The following IRAK3 variants were observed in gnomAD, a reference collection of about 807,000 sequenced individuals.
IRAK3 encodes the protein interleukin-1 receptor-associated kinase 3.
In IRAK3, 57 loss-of-function variants were observed where a neutral mutation model predicts 56.6. The observed-to-expected ratio is 1.01, with a 90% CI of 0.81 to 1.26. IRAK3 has a LOEUF of 1.26. Among genes scored for constraint, IRAK3 ranks in the 50% most tolerant of loss-of-function variants. The pLI is 0.00. For missense variants in IRAK3, 703 were observed against 719.0 expected (o/e 0.98, Z 0.25); for synonymous variants, 258 against 255.7 (o/e 1.01, Z -0.09).
chr12:66,197,139 A>G, intron 1 of IRAK3: 2 of 1,272,256 alleles, frequency 1.6e-6, no homozygotes, highest in Admixed American at 4.1e-5. Context: ...TGTGACTCCA[A>G]TACGACTTTC....
Position 66,236,110 on chromosome 12 carries a change from A to G in IRAK3, c.887+7740A>G, listed in dbSNP as rs182035771. Among the ~76,000 whole-genome samples, 22 of 152,348 alleles carry G rather than the reference A, an allele frequency of 1.4e-4. No individual in the cohort carries two copies. The East Asian group carries it at 3.7e-3, about 25-fold the overall frequency. On this transcript the variant is annotated intron_variant, in intron 8 of 11. Coordinates refer to ENST00000261233, the MANE Select transcript of IRAK3 (RefSeq NM_007199.3). ...TGGTTTTAAAATAGTTTTTAAAATG[A>G]AAGTTGGAAAATCATTATTCAGCAG...
rs757116260 is a variant in IRAK3 at position 66,211,554 on chromosome 12, T to G, written c.545T>G (p.Val182Gly). Residue 182 changes from valine (V) to glycine (G), a missense_variant, in exon 5 of 12, where the codon GTG (valine) becomes GGG (glycine). Physicochemically the swap from Val to Gly is moderately radical, Grantham distance 109. Coordinates refer to ENST00000261233, the MANE Select transcript of IRAK3 (RefSeq NM_007199.3). ...GEGEIFEVYR[V>G]EIQNLTYAVK... ...GGAGAGATTTTTGAGGTATACAGAGTGGAGATTCAAAACCTAACATATGCT... is the reference window on the plus strand; with the variant it reads ...GGAGAGATTTTTGAGGTATACAGAGGGGAGATTCAAAACCTAACATATGCT... The G allele has an allele frequency of 1.2e-6, 2 of 1,612,040 alleles. No individual in the cohort carries two copies. The highest frequency in any genetic ancestry group is 2.2e-5 in the South Asian group (2 of 91,032).
chr12:66,237,172 C>T (rs1385627077), intron 8 of IRAK3, among the ~76,000 whole-genome samples: 1 of 152,104 alleles, frequency 6.6e-6, no homozygotes, highest in Non-Finnish European at 1.5e-5. Flanking sequence ...TGACAGTGCT[C>T]CACCTTCTCC....
intron 8 of IRAK3, among the ~76,000 whole-genome samples, chr12:66,238,226 T>C (rs2052928281): frequency 6.6e-6 from 1 of 152,228 alleles, no homozygotes; most frequent in Non-Finnish European, 1.5e-5. Flanking sequence ...GACTGCATAG[T>C]AAGTACTAAT....
At chr12:66,197,667 G>GA in intron 1 of IRAK3, 2 of 985,300 alleles carry the variant, frequency 2.0e-6, no homozygotes, top group South Asian at 4.7e-5. Flanking sequence ...TCTGCTATTA[G>GA]AAAAAATGCC....
chr12:66,243,225 C>T (rs1218746890), intron 8 of IRAK3, among the ~76,000 whole-genome samples: 3 of 152,194 alleles, frequency 2.0e-5, no homozygotes, highest in Non-Finnish European at 2.9e-5. Flanking sequence ...GTCCTCTGAA[C>T]AGTAAGAACA....
chr12:66,197,053 CCTG>C, intron 1 of IRAK3: 1 of 1,463,510 alleles, frequency 6.8e-7, no homozygotes, highest in Non-Finnish European at 9.0e-7. Flanking sequence ...AACAGTCAGT[CCTG>C]CACTCTCAAA....
chr12:66,233,599 C>T (rs2052868584), intron 8 of IRAK3, among the ~76,000 whole-genome samples: 2 of 151,542 alleles, frequency 1.3e-5, no homozygotes, highest in Admixed American at 6.6e-5. Context: ...ACTGCAAGCA[C>T]AGAACACCAT....
intron 6 of IRAK3, among the ~76,000 whole-genome samples, chr12:66,218,210 C>T (rs141143612): frequency 6.6e-6 from 1 of 152,032 alleles, no homozygotes; most frequent in Non-Finnish European, 1.5e-5. Flanking sequence ...ATTTTGTTTT[C>T]TTATTTTTCT....
intron 2 of IRAK3, among the ~76,000 whole-genome samples, chr12:66,209,022 G>T (rs1265522895): frequency 6.8e-6 from 1 of 146,834 alleles, no homozygotes; most frequent in Non-Finnish European, 1.5e-5. Flanking sequence ...GCAATGAGCC[G>T]AGATCATGCC....
chr12:66,244,822 A>G (rs1242612576), intron 9 of IRAK3, 126 bp from the exon 10 acceptor site: 2 of 1,057,090 alleles, frequency 1.9e-6, no homozygotes, highest in African/African-American at 1.6e-5. Context: ...TTGTGTAATC[A>G]AGCAATTAAT....
At chr12:66,231,997 G>A (rs1265388534) in intron 8 of IRAK3, among the ~76,000 whole-genome samples, 1 of 152,212 alleles carries the variant, frequency 6.6e-6, no homozygotes, top group Non-Finnish European at 1.5e-5. Flanking sequence ...CACTATCCCA[G>A]GAACTTGTCT....
intron 8 of IRAK3, among the ~76,000 whole-genome samples, chr12:66,239,287 C>T (rs2052939385): frequency 7.6e-6 from 1 of 131,638 alleles, no homozygotes; most frequent in Admixed American, 9.2e-5. Context: ...AAGCCATTTG[C>T]TTCAAAATGG....
intron 8 of IRAK3, chr12:66,234,099 G>A: frequency 6.2e-7 from 1 of 1,614,064 alleles, no homozygotes; most frequent in South Asian, 1.1e-5. Flanking sequence ...AAGGTATATG[G>A]AGAATGGTCA....
intron 2 of IRAK3, among the ~76,000 whole-genome samples, chr12:66,207,736 C>T (rs1336935695): frequency 1.3e-5 from 2 of 152,006 alleles, no homozygotes; most frequent in Admixed American, 1.3e-4. Flanking sequence ...TTTCATTCAT[C>T]TCAAGGTATT....
At chr12:66,197,739 G>A in intron 1 of IRAK3, 4 of 985,388 alleles carry the variant, frequency 4.1e-6, no homozygotes, top group Non-Finnish European at 4.8e-6. Context: ...CCCGGTCAAT[G>A]TTAGAGACCC....
rs906885941 is a variant in IRAK3, at chr12:66,249,881, C to T, written c.*1710C>T. On this transcript the variant is annotated 3_prime_UTR_variant, in exon 12 of 12. Transcript: ENST00000261233. ...GTCTCAGATCCTTAATTTAATTACA[C>T]CTGCAAAGTCCGTTTTCTCGTGTAA... is the stretch of plus-strand genomic sequence containing the variant. The T allele has an allele frequency of 6.6e-6, 1 of 152,150 alleles. No homozygotes were observed. Among genetic ancestry groups the T allele is most frequent in the African/African-American group, 2.4e-5 (1 of 41,432 alleles). The allele number at this position is 152,150 out of a possible 1,614,324, so 9.4% of individuals were successfully genotyped here.
intron 6 of IRAK3, among the ~76,000 whole-genome samples, chr12:66,219,103 A>G (rs993378531): frequency 6.6e-6 from 1 of 151,856 alleles, no homozygotes; most frequent in Non-Finnish European, 1.5e-5. Flanking sequence ...TCCTCTGTCA[A>G]TGGACATTTA....
intron 6 of IRAK3, among the ~76,000 whole-genome samples, chr12:66,223,440 A>G (rs1366935508): frequency 6.6e-6 from 1 of 151,874 alleles, no homozygotes; most frequent in Non-Finnish European, 1.5e-5. Flanking sequence ...CAGGCGGATT[A>G]TGAGGTCAGG....
Sources: allele counts gnomAD v4.1 joint callset (sites outside exome capture counted in the v4.1 genomes callset), GRCh38; gene constraint gnomAD v4.1.1; transcripts MANE v1.5; gene names NCBI Gene and HGNC (gene_info 2026-07-23, HGNC 2026-07-21).